LRRC37A2: variants seen among roughly 807,000 people sequenced by gnomAD.
LRRC37A2 encodes the protein leucine rich repeat containing 37 member A2.
A neutral mutation model predicts 68.8 loss-of-function variants in LRRC37A2; 9 were observed. That is an observed-to-expected ratio of 0.13 (90% CI 0.08 to 0.23). The LOEUF (loss-of-function observed/expected upper bound fraction) is 0.23. Among genes scored for constraint, LRRC37A2 ranks in the 10% least tolerant of loss-of-function variants. The probability of loss-of-function intolerance (pLI) is 1.00; values close to 1 mark genes in which losing one functional copy is unlikely to be tolerated. For synonymous variants in LRRC37A2, 63 were observed against 367.6 expected (o/e 0.17, Z 9.48); for missense variants, 168 against 950.4 (o/e 0.18, Z 10.82).
At chr17:46,969,828 C>G in the LRRC37A2 span, among the ~76,000 whole-genome samples, 6 of 152,184 alleles carry the variant, frequency 3.9e-5, no homozygotes, top group Non-Finnish European at 8.8e-5. Context: ...CCAACTCTCC[C>G]ATTGCAAGAG....
chr17:46,778,473 G>A, the LRRC37A2 span, among the ~76,000 whole-genome samples: 1 of 152,184 alleles, frequency 6.6e-6, no homozygotes, highest in African/African-American at 2.4e-5. Flanking sequence ...AGAGGCTGTG[G>A]CCATGGGATT....
At chr17:46,818,585 G>T in the LRRC37A2 span, 20 of 1,602,432 alleles carry the variant, frequency 1.2e-5, no homozygotes, top group African/African-American at 2.3e-4. Context: ...AGCCCGAGCA[G>T]GTGGGGCTCC....
chr17:46,801,642 GAATTA>G, the LRRC37A2 span, among the ~76,000 whole-genome samples: 3 of 147,252 alleles, frequency 2.0e-5, no homozygotes, highest in Non-Finnish European at 3.0e-5. Context: ...GAATTGAATT[GAATTA>G]AATTAAATTA....
chr17:46,958,012 G>A, the LRRC37A2 span, among the ~76,000 whole-genome samples: 4 of 152,196 alleles, frequency 2.6e-5, no homozygotes, highest in Non-Finnish European at 5.9e-5. Context: ...CCACCAAGGG[G>A]CTTATGGCTG....
At chr17:46,905,199 A>G in the LRRC37A2 span, among the ~76,000 whole-genome samples, 1 of 151,896 alleles carries the variant, frequency 6.6e-6, no homozygotes, top group African/African-American at 2.4e-5. Flanking sequence ...CAGCCTCTCA[A>G]GTAGCTGGGA....
the LRRC37A2 span, among the ~76,000 whole-genome samples, chr17:46,776,776 C>T: frequency 1.3e-5 from 2 of 152,118 alleles, no homozygotes; most frequent in Admixed American, 1.3e-4. Context: ...TGTCCCCGCT[C>T]CTTCCTCTGG....
At chr17:46,946,587 G>A in the LRRC37A2 span, among the ~76,000 whole-genome samples, 76 of 152,128 alleles carry the variant, frequency 5.0e-4, 1 homozygote, top group African/African-American at 1.7e-3. Flanking sequence ...GAGAGGCCAG[G>A]CATGGTGGCT....
At chr17:46,828,403 T>G in the LRRC37A2 span, among the ~76,000 whole-genome samples, 1 of 152,056 alleles carries the variant, frequency 6.6e-6, no homozygotes, top group East Asian at 1.9e-4. Context: ...TCCATCATGT[T>G]GCCCAGCCAG....
At chr17:46,978,679 T>C in the LRRC37A2 span, 4 of 1,610,400 alleles carry the variant, frequency 2.5e-6, no homozygotes, top group South Asian at 1.1e-5. Flanking sequence ...GCCCACGTCC[T>C]TGGAGGGCCG....
chr17:46,977,251 C>T, the LRRC37A2 span, among the ~76,000 whole-genome samples: 2 of 152,202 alleles, frequency 1.3e-5, no homozygotes, highest in Non-Finnish European at 2.9e-5. Flanking sequence ...CTTCAGTCAC[C>T]TTCCTCGTTA....
chr17:46,557,140 GA>G (rs1385889882), downstream of LRRC37A2: 1 of 545,810 alleles, frequency 1.8e-6, no homozygotes, highest in African/African-American at 2.1e-5. Flanking sequence ...CATCATTCAG[GA>G]ATTTCCAAGG....
At chr17:47,012,163 T>C in the LRRC37A2 span, among the ~76,000 whole-genome samples, 2 of 152,240 alleles carry the variant, frequency 1.3e-5, no homozygotes, top group African/African-American at 2.4e-5. Flanking sequence ...GTCAACCTTT[T>C]ATTGTCAGGA....
chr17:46,924,143 C>T, the LRRC37A2 span: 2 of 321,280 alleles, frequency 6.2e-6, no homozygotes, highest in Non-Finnish European at 5.6e-6. Flanking sequence ...TTCCAGAACA[C>T]CTAGTAACCT....
chr17:46,490,445 AGGCATGGT>A, the LRRC37A2 span, among the ~76,000 whole-genome samples: 1 of 151,158 alleles, frequency 6.6e-6, no homozygotes, highest in Non-Finnish European at 1.5e-5. Flanking sequence ...AATTTTGGCC[AGGCATGGT>A]GGCTCACACC....
chr17:46,814,020 T>G, the LRRC37A2 span, among the ~76,000 whole-genome samples: 1 of 152,154 alleles, frequency 6.6e-6, no homozygotes, highest in East Asian at 1.9e-4. Flanking sequence ...AAGCACCTCC[T>G]AAAGGACTTG....
the LRRC37A2 span, among the ~76,000 whole-genome samples, chr17:46,712,126 G>C: frequency 6.6e-6 from 1 of 152,182 alleles, no homozygotes; most frequent in Non-Finnish European, 1.5e-5. Context: ...AGAAGCAGTT[G>C]GATTAGTCTT....
At chr17:46,778,595 G>A in the LRRC37A2 span, among the ~76,000 whole-genome samples, 2 of 151,938 alleles carry the variant, frequency 1.3e-5, no homozygotes, top group Non-Finnish European at 2.9e-5. Flanking sequence ...ACTTTAACTC[G>A]CCACTCCTAT....
chr17:46,773,623 T>TGCCCCCCCCCC, the LRRC37A2 span: 2 of 383,492 alleles, frequency 5.2e-6, 1 homozygote, highest in Non-Finnish European at 1.0e-5. Flanking sequence ...TCCTGATCCC[T>TGCCCCCCCCCC]CCCCCCACCC....
the LRRC37A2 span, among the ~76,000 whole-genome samples, chr17:46,404,802 G>A: frequency 1.1e-4 from 10 of 91,986 alleles, 1 homozygote; most frequent in African/African-American, 1.7e-4. Context: ...CCCGGGAGGC[G>A]GAGCTTGCAG....
Sources: allele counts gnomAD v4.1 joint callset (sites outside exome capture counted in the v4.1 genomes callset), GRCh38; gene constraint gnomAD v4.1.1; transcripts MANE v1.5; gene names NCBI Gene and HGNC (gene_info 2026-07-23, HGNC 2026-07-21).